Variants in PAK6 observed in about 807,000 individuals in gnomAD.
PAK6 encodes the protein serine/threonine-protein kinase PAK 6.
A neutral mutation model predicts 60.8 loss-of-function variants in PAK6; 33 were observed. The ratio of observed to expected loss-of-function variants is 0.54; its 90% CI spans 0.41 to 0.73. PAK6 has a LOEUF of 0.73. Among genes scored for constraint, PAK6 ranks in the 30% least tolerant of loss-of-function variants. The pLI is 0.00. For missense variants in PAK6, 845 were observed against 904.1 expected, an observed-to-expected ratio of 0.93 and a Z score of 0.84; for synonymous variants, 404 against 378.5, an observed-to-expected ratio of 1.07 and a Z score of -0.78.
exon 8 of PAK6, chr15:40,273,466 T>A: frequency 6.2e-7 from 1 of 1,613,756 alleles, no homozygotes; most frequent in Non-Finnish European, 8.5e-7. Context: ...TGACCCTCGA[T>A]GGCAGGGTAG....
chr15:40,274,227 T>C (rs1054668619), exon 10 of PAK6: 1 of 1,613,574 alleles, frequency 6.2e-7, no homozygotes, highest in Non-Finnish European at 8.5e-7. Context: ...GTGCAAGCCA[T>C]GAAGAGGCTC....
At chr15:40,251,077 G>C (rs78120203) in intron 2 of PAK6, 1 of 152,476 alleles carries the variant, frequency 6.6e-6, no homozygotes, top group African/African-American at 2.4e-5. Context: ...TTGTCTAAGC[G>C]GGTCAGGCCT....
At chr15:40,265,988 G>C in exon 5 of PAK6, 1 of 1,602,520 alleles carries the variant, frequency 6.2e-7, no homozygotes, top group Admixed American at 1.7e-5. Flanking sequence ...TGGGGCTGCT[G>C]GGGGATGAGC....
chr15:40,254,861 G>C (rs1595577204), intron 3 of PAK6, among the ~76,000 whole-genome samples: 1 of 152,186 alleles, frequency 6.6e-6, no homozygotes. Context: ...TATCCATGTG[G>C]TGGGCACTTT....
Position 40,275,280 on chromosome 15 carries a change from G to GTTTTTTTTTTTTTTGTTT in PAK6, c.1879-633_1879-632insGTTTTTTTTTTTTTTTTT, listed in dbSNP as rs1555389202. On this transcript the variant is annotated intron_variant, in intron 10 of 10. Coordinates refer to ENST00000560346, the Ensembl canonical transcript of PAK6. ...GACTTGTTTGTTTCTGTTGTTGTTG[G>GTTTTTTTTTTTTTTGTTT]TTTTTTTTTTTTTTTTTTTTTTGGA... Among the ~76,000 whole-genome samples the GTTTTTTTTTTTTTTGTTT allele has an allele frequency of 9.0e-4, 51 of 56,494 alleles. 6 individuals are homozygous for GTTTTTTTTTTTTTTGTTT. Among genetic ancestry groups the GTTTTTTTTTTTTTTGTTT allele is most frequent in the Non-Finnish European group, 1.3e-3 (42 of 32,490 alleles). The allele number at this position is 56,494 out of a possible 152,430, so 37.1% of individuals were successfully genotyped here.
At chr15:40,274,177 G>C in exon 10 of PAK6, 1 of 1,614,048 alleles carries the variant, frequency 6.2e-7, no homozygotes, top group East Asian at 2.2e-5. Context: ...TGGTGATTGA[G>C]ATGGTAGATG....
intron 3 of PAK6, among the ~76,000 whole-genome samples, chr15:40,264,276 C>A (rs894387476): frequency 5.3e-5 from 8 of 151,460 alleles, no homozygotes; most frequent in Non-Finnish European, 4.4e-5. Context: ...GGATTCAATT[C>A]GATAGTTTTA....
chr15:40,242,683 G>A (rs554025297), intron 2 of PAK6, among the ~76,000 whole-genome samples: 28 of 152,318 alleles, frequency 1.8e-4, no homozygotes, highest in African/African-American at 6.7e-4. Context: ...CAGTCTGCCT[G>A]GGCCTGGGAA....
chr15:40,273,782 C>G, intron 9 of PAK6, 106 bp downstream of exon 9: 2 of 1,352,460 alleles, frequency 1.5e-6, no homozygotes, highest in Middle Eastern at 3.7e-4. Flanking sequence ...CCCTGGTTTT[C>G]AGAGTCCCAC....
At chr15:40,259,034 C>T (rs182203794) in intron 3 of PAK6, 321 of 142,620 alleles carry the variant, frequency 2.3e-3, no homozygotes, top group Middle Eastern at 0.022. Context: ...GGGTCTTAGG[C>T]TCACATCACT....
intron 7 of PAK6, 32 bp from the exon 8 acceptor site, chr15:40,273,314 C>T: frequency 6.2e-7 from 1 of 1,607,760 alleles, no homozygotes; most frequent in Non-Finnish European, 8.5e-7. Context: ...CTAACGTTCT[C>T]TTTCATCGGG....
rs779898625 is a variant in PAK6, at chr15:40,273,644, G to C, written c.1711G>C (p.Glu571Gln). The change falls in exon 9 of 11, where the codon GAA (glutamate) becomes CAA (glutamine). Residue 571 changes from glutamate to glutamine, a missense_variant. Coordinates refer to ENST00000560346, the Ensembl canonical transcript of PAK6. ...GGGAACCCCCTACTGGATGGCTCCTGAAGTGATCTCCAGGTCTTTGTATGC... is the reference window on the plus strand; with the variant it reads ...GGGAACCCCCTACTGGATGGCTCCTCAAGTGATCTCCAGGTCTTTGTATGC... The C allele has an allele frequency of 6.8e-6, 11 of 1,613,946 alleles. No homozygotes were observed. In the African/African-American group the frequency reaches 9.3e-5, roughly 14 times the overall value.
chr15:40,260,884 T>A (rs964368549), intron 3 of PAK6, among the ~76,000 whole-genome samples: 1 of 133,106 alleles, frequency 7.5e-6, no homozygotes, highest in African/African-American at 2.7e-5. Context: ...TGATATCTTT[T>A]TAAAAATTTC....
At chr15:40,263,518 C>T (rs1441617065) in intron 3 of PAK6, among the ~76,000 whole-genome samples, 2 of 152,240 alleles carry the variant, frequency 1.3e-5, no homozygotes, top group African/African-American at 4.8e-5. Flanking sequence ...CTATCCATTG[C>T]AAGCCTGTGT....
intron 5 of PAK6, among the ~76,000 whole-genome samples, chr15:40,270,655 C>A (rs536237775): frequency 6.6e-6 from 1 of 152,164 alleles, no homozygotes; most frequent in Non-Finnish European, 1.5e-5. Context: ...CAGGTGCTGG[C>A]GAGGACATGG....
chr15:40,272,096 T>C, intron 5 of PAK6, 128 bp from the exon 6 acceptor site: 2 of 989,826 alleles, frequency 2.0e-6, no homozygotes, highest in Non-Finnish European at 3.0e-6. Flanking sequence ...AGCACCTCCC[T>C]AGTTTGATCT....
intron 2 of PAK6, chr15:40,252,934 C>A (rs940836567): frequency 2.0e-6 from 2 of 1,020,122 alleles, no homozygotes; most frequent in South Asian, 1.7e-5. Context: ...GAGCTGGGGC[C>A]GGGTGGCCGC....
rs369658547 is a variant in PAK6, at chr15:40,248,916, G to A, written c.-117-4262G>A. On this transcript the variant is annotated intron_variant, in intron 2 of 10. Coordinates refer to ENST00000560346, the Ensembl canonical transcript of PAK6. Reference sequence around the variant, plus strand: ...CAGCTTTGGGGTCGGATACACTTCCGTTCAAATTCCAGCTCCTCCCCTCAG... The same window carrying A: ...CAGCTTTGGGGTCGGATACACTTCCATTCAAATTCCAGCTCCTCCCCTCAG... Among the ~76,000 whole-genome samples the A allele has an allele frequency of 3.0e-3, 459 of 152,308 alleles. 4 individuals carry two copies. The highest frequency in any genetic ancestry group is 0.017 in the Middle Eastern group (5 of 294).
intron 3 of PAK6, among the ~76,000 whole-genome samples, chr15:40,257,678 G>T (rs540753028): frequency 6.6e-6 from 1 of 152,304 alleles, no homozygotes; most frequent in East Asian, 1.9e-4. Context: ...AGGTTTAACG[G>T]CAGGCATCCT....
Sources: gnomAD v4.1 joint callset for allele counts (sites outside exome capture counted in the v4.1 genomes callset) on GRCh38, gnomAD v4.1.1 for gene constraint, MANE v1.5 for transcripts, NCBI Gene and HGNC (gene_info 2026-07-23, HGNC 2026-07-21) for gene names.